HOPX: variants seen among roughly 807,000 people sequenced by gnomAD.
HOPX encodes the protein homeodomain-only protein.
A neutral mutation model predicts 11.8 loss-of-function variants in HOPX; 5 were observed. That is an observed-to-expected ratio of 0.43 (90% CI 0.22 to 0.89). HOPX has a LOEUF of 0.89. HOPX is among the 40% of genes least tolerant of loss of function. HOPX has a pLI of 0.28. For synonymous variants in HOPX, 49 were observed against 49.7 expected (o/e 0.99, Z 0.06); for missense variants, 119 against 120.0 (o/e 0.99, Z 0.04).
chr4:56,649,312 T>A (rs1716931583), intron 3 of HOPX: 1 of 152,334 alleles, frequency 6.6e-6, no homozygotes. Flanking sequence ...AATTAATCAA[T>A]ATTTGCTGAA....
At chr4:56,666,426 C>T (rs757649161) in intron 1 of HOPX, among the ~76,000 whole-genome samples, 16 of 152,106 alleles carry the variant, frequency 1.1e-4, no homozygotes, top group Non-Finnish European at 5.9e-5. Context: ...TTTCTGTAGC[C>T]GCTTACTGAA....
At chr4:56,669,663 TAA>T (rs1718627926) in intron 1 of HOPX, among the ~76,000 whole-genome samples, 1 of 2,648 alleles carries the variant, frequency 3.8e-4, no homozygotes, top group South Asian at 0.016. Flanking sequence ...TGTCTCAAAA[TAA>T]TAATAATAAT....
intron 1 of HOPX, chr4:56,680,994 G>T: frequency 1.0e-6 from 1 of 984,090 alleles, no homozygotes; most frequent in Non-Finnish European, 1.2e-6. Flanking sequence ...CATCTCACCT[G>T]CTTGGCCAAA....
intron 3 of HOPX, chr4:56,650,783 T>C: frequency 6.4e-7 from 1 of 1,550,776 alleles, no homozygotes; most frequent in Non-Finnish European, 8.7e-7. Flanking sequence ...CTGGGTGCCA[T>C]ATTTTGCTCC....
chr4:56,650,180 G>A (rs948661500), intron 3 of HOPX: 2 of 155,628 alleles, frequency 1.3e-5, no homozygotes, highest in Admixed American at 6.5e-5. Flanking sequence ...CCTAAAAATA[G>A]AGCACCAATC....
intron 1 of HOPX, among the ~76,000 whole-genome samples, chr4:56,673,502 G>A (rs1718847509): frequency 1.3e-5 from 2 of 152,266 alleles, no homozygotes; most frequent in South Asian, 4.2e-4. Context: ...ATAATGAGGG[G>A]AGTACTTCAT....
chr4:56,658,863 G>A (rs545554513), intron 1 of HOPX, among the ~76,000 whole-genome samples: 2 of 152,280 alleles, frequency 1.3e-5, no homozygotes, highest in South Asian at 4.1e-4. Context: ...TTTCCTTTGT[G>A]GTTTTGGGAA....
chr4:56,657,703 T>C (rs7693834), intron 2 of HOPX, 72 bp downstream of exon 2: 344,573 of 736,534 alleles, frequency 0.47, 82,931 homozygotes, highest in African/African-American at 0.65. Flanking sequence ...GAAACACTTC[T>C]TCTTCTGTGT....
chr4:56,680,646 T>G (rs1719275534), intron 1 of HOPX: 1 of 151,722 alleles, frequency 6.6e-6, no homozygotes, highest in South Asian at 2.1e-4. Flanking sequence ...CACTCACATA[T>G]CACAAACCTA....
chr4:56,651,746 G>C (rs1285656121), intron 3 of HOPX, among the ~76,000 whole-genome samples: 1 of 152,050 alleles, frequency 6.6e-6, no homozygotes, highest in Non-Finnish European at 1.5e-5. Flanking sequence ...AAAACCACTG[G>C]GTTCTGGGAA....
intron 1 of HOPX, among the ~76,000 whole-genome samples, chr4:56,670,417 A>C (rs1349570120): frequency 1.3e-5 from 2 of 152,098 alleles, no homozygotes; most frequent in Non-Finnish European, 2.9e-5. Context: ...AGAAATGTGT[A>C]CTACTAAGCT....
At chr4:56,659,475 G>A (rs1427024991) in intron 1 of HOPX, 1 of 152,120 alleles carries the variant, frequency 6.6e-6, no homozygotes, top group Non-Finnish European at 1.5e-5. Context: ...AAGCTGTCAA[G>A]GCGCCCCAGA....
Position 56,675,853 on chromosome 4 carries a change from AG to A in HOPX, c.-84+5401del, listed in dbSNP as rs149229070. Among the ~76,000 whole-genome samples, 1,278 of 151,798 alleles carry A rather than the reference AG, an allele frequency of 8.4e-3. 60 individuals carry two copies. Among genetic ancestry groups the A allele is most frequent in the African/African-American group, 0.029 (1,210 of 41,070 alleles). On this transcript the variant is annotated intron_variant, in intron 1 of 3. Coordinates refer to ENST00000420433, the MANE Select transcript of HOPX (RefSeq NM_032495.6). ...GGATGGGTATGGTCCAGAACAGAGC[AG>A]GGGCTGCTTCAGGATCCCCAGGTGA...
At position 56,648,773 on chromosome 4, in the gene HOPX, T is replaced by A. The variant is rs1250392686; in HGVS notation, c.223A>T (p.Lys75Ter). The A allele has an allele frequency of 1.2e-6, 2 of 1,609,936 alleles. No individual in the cohort carries two copies. Among genetic ancestry groups the A allele is most frequent in the Non-Finnish European group, 1.7e-6 (2 of 1,176,630 alleles). ...TQKWFKQRLA[K>*]WRRSEGLPSE... is the part of the protein sequence containing the mutation. ...GGCAGGCCTTCTGAGCGCCGCCACT[T>A]TGCCAGGCGCTGCTTAAACCATTTC... Residue 75 changes from lysine to a stop codon, truncating the protein, a stop_gained, in exon 4 of 4, where the codon AAG (lysine) becomes TAG (stop). Coordinates refer to ENST00000420433, the MANE Select transcript of HOPX (RefSeq NM_032495.6). LOFTEE classifies it high-confidence loss of function.
chr4:56,665,397 A>T (rs1718375191), intron 1 of HOPX: 1 of 152,232 alleles, frequency 6.6e-6, no homozygotes, highest in African/African-American at 2.4e-5. Context: ...ATATGTGCTC[A>T]TTGGATGGCT....
At chr4:56,666,563 A>T (rs887782106) in intron 1 of HOPX, among the ~76,000 whole-genome samples, 1 of 152,244 alleles carries the variant, frequency 6.6e-6, no homozygotes, top group Non-Finnish European at 1.5e-5. Flanking sequence ...TTTCACTGAT[A>T]GCCCAATTCG....
At chr4:56,681,562 G>A (rs962175237), upstream of HOPX, 3 of 1,000,104 alleles carry the variant, frequency 3.0e-6, no homozygotes, top group African/African-American at 5.2e-5. Flanking sequence ...AGCCAAGCAA[G>A]CTTCTTCACC....
intron 1 of HOPX, among the ~76,000 whole-genome samples, chr4:56,669,751 A>T (rs1718638172): frequency 6.6e-6 from 1 of 152,082 alleles, no homozygotes; most frequent in African/African-American, 2.4e-5. Flanking sequence ...GCAAACCTGG[A>T]TATCGGGTCC....
intron 2 of HOPX, chr4:56,656,419 G>C: frequency 1.0e-6 from 1 of 991,012 alleles, no homozygotes; most frequent in Non-Finnish European, 1.2e-6. Flanking sequence ...CCTCCCGAAA[G>C]GGGGACCTCC....
Sources: gnomAD v4.1 joint callset for allele counts (sites outside exome capture counted in the v4.1 genomes callset) on GRCh38, gnomAD v4.1.1 for gene constraint, MANE v1.5 for transcripts, NCBI Gene and HGNC (gene_info 2026-07-23, HGNC 2026-07-21) for gene names.